The following C13orf42 variants were observed in gnomAD, a reference collection of about 807,000 sequenced individuals.
C13orf42 encodes the protein chromosome 13 open reading frame 42.
At chr13:51,092,847 A>G (rs2137981292) in intron 1 of C13orf42, among the ~76,000 whole-genome samples, 1 of 152,272 alleles carries the variant, frequency 6.6e-6, no homozygotes, top group East Asian at 1.9e-4. Context: ...TAGAAAATAG[A>G]ACTATGAACC....
intron 1 of C13orf42, among the ~76,000 whole-genome samples, chr13:51,161,441 A>G (rs911882848): frequency 2.0e-5 from 3 of 152,104 alleles, no homozygotes; most frequent in Non-Finnish European, 4.4e-5. Context: ...AGATGGTACT[A>G]TGAGTGCCCT....
At chr13:51,105,817 T>C (rs1034331513) in intron 1 of C13orf42, among the ~76,000 whole-genome samples, 7 of 152,188 alleles carry the variant, frequency 4.6e-5, no homozygotes, top group African/African-American at 1.7e-4. Flanking sequence ...CAAAATACGT[T>C]TTCCAGTCAA....
chr13:51,125,104 G>C (rs1953565565), intron 1 of C13orf42, among the ~76,000 whole-genome samples: 1 of 152,166 alleles, frequency 6.6e-6, no homozygotes, highest in Admixed American at 6.5e-5. Context: ...TACAGTACCT[G>C]CTAGCAGCCT....
At chr13:51,098,011 T>A (rs1423374119) in intron 1 of C13orf42, among the ~76,000 whole-genome samples, 1 of 152,200 alleles carries the variant, frequency 6.6e-6, no homozygotes. Flanking sequence ...TCCATCTCCC[T>A]ACCCTAGGCC....
At chr13:51,106,023 C>T (rs1380605357) in intron 1 of C13orf42, among the ~76,000 whole-genome samples, 1 of 152,194 alleles carries the variant, frequency 6.6e-6, no homozygotes, top group Admixed American at 6.5e-5. Flanking sequence ...CCGATTGTAG[C>T]TGTGCTTGCA....
chr13:51,169,433 T>C (rs1200813513), intron 1 of C13orf42, among the ~76,000 whole-genome samples: 1 of 152,152 alleles, frequency 6.6e-6, no homozygotes, highest in East Asian at 1.9e-4. Context: ...AAAAACCCAT[T>C]TTCTGTGGAG....
At chr13:51,157,322 T>C (rs763067077) in intron 1 of C13orf42, among the ~76,000 whole-genome samples, 4 of 152,164 alleles carry the variant, frequency 2.6e-5, no homozygotes, top group Non-Finnish European at 5.9e-5. Context: ...TAGTCCCAGC[T>C]ACTCTGGCAG....
intron 1 of C13orf42, among the ~76,000 whole-genome samples, chr13:51,118,989 G>A (rs986603581): frequency 1.3e-5 from 2 of 151,998 alleles, no homozygotes; most frequent in South Asian, 4.1e-4. Flanking sequence ...CTGGTGTACA[G>A]TGTGCCCAGG....
At chr13:51,112,396 C>T (rs74085532), upstream of C13orf42, among the ~76,000 whole-genome samples, 2,561 of 152,136 alleles carry the variant, frequency 0.017, 70 homozygotes, top group African/African-American at 0.058. Context: ...AAAAGATTCA[C>T]GGTTTTATCA....
intron 1 of C13orf42, among the ~76,000 whole-genome samples, chr13:51,098,862 T>C (rs1180196382): frequency 6.6e-6 from 1 of 152,218 alleles, no homozygotes; most frequent in Admixed American, 6.5e-5. Context: ...TGGCAAATTT[T>C]AGGAACTCCA....
chr13:51,153,210 CCT>C (rs1394497682), intron 1 of C13orf42, among the ~76,000 whole-genome samples: 2 of 152,168 alleles, frequency 1.3e-5, no homozygotes, highest in Non-Finnish European at 2.9e-5. Context: ...CACCCCCTCC[CCT>C]GTCCTGCCAA....
chr13:51,094,116 G>A (rs922958372), intron 1 of C13orf42, among the ~76,000 whole-genome samples: 1 of 152,104 alleles, frequency 6.6e-6, no homozygotes, highest in Admixed American at 6.6e-5. Flanking sequence ...CACAATCCTG[G>A]TATCTTTGAG....
intron 1 of C13orf42, among the ~76,000 whole-genome samples, chr13:51,157,854 T>G (rs1953836323): frequency 6.6e-6 from 1 of 152,210 alleles, no homozygotes; most frequent in Non-Finnish European, 1.5e-5. Flanking sequence ...GTTCTGGCTC[T>G]CACAAAAGAT....
intron 1 of C13orf42, among the ~76,000 whole-genome samples, chr13:51,167,993 T>C (rs1219633501): frequency 2.6e-5 from 4 of 152,192 alleles, no homozygotes; most frequent in Admixed American, 6.5e-5. Flanking sequence ...GGCCAGAAGA[T>C]GAAATTCCCA....
upstream of C13orf42, chr13:51,111,329 G>A: frequency 2.5e-6 from 1 of 397,294 alleles, no homozygotes; most frequent in South Asian, 1.4e-4. Context: ...GGAGGCCTCT[G>A]ATCTCTAGGA....
At chr13:51,136,331 A>C (rs1159565593) in intron 1 of C13orf42, among the ~76,000 whole-genome samples, 1 of 152,200 alleles carries the variant, frequency 6.6e-6, no homozygotes, top group African/African-American at 2.4e-5. Context: ...AACCCAGGTC[A>C]ACTTGAATCT....
At chr13:51,113,115 GAATGCCAC>G (rs1293922806), upstream of C13orf42, 5 of 152,220 alleles carry the variant, frequency 3.3e-5, no homozygotes, top group Non-Finnish European at 5.9e-5. Flanking sequence ...TCCATATCCA[GAATGCCAC>G]AAGCGACCTA....
chr13:51,110,983 G>T lies in C13orf42; in HGVS notation c.227C>A (p.Ala76Glu). ...GTCCTGGGTGCGCGAATACATCCAC[G>T]CCCGGTCCTCCTCCTGCCGCAGGTA... ...LYYLRQEEDR[A>E]WMYSRTQDCL... The change falls in exon 1 of 4, where the codon GCG becomes GAG. Residue 76 changes from alanine (A) to glutamate (E), a missense_variant. By Grantham distance (107) the Ala-to-Glu change is moderately radical. Transcript: ENST00000563710. 2.5e-6 allele frequency: 1 copy of T among 398,636 alleles called. No homozygotes were observed. Among genetic ancestry groups the T allele is most frequent in the Non-Finnish European group, 4.4e-6 (1 of 226,102 alleles). The allele number at this position is 398,636 out of a possible 1,614,324, so 24.7% of individuals were successfully genotyped here.
intron 1 of C13orf42, among the ~76,000 whole-genome samples, chr13:51,093,353 T>C (rs971730294): frequency 1.3e-5 from 2 of 152,210 alleles, no homozygotes; most frequent in African/African-American, 2.4e-5. Flanking sequence ...GGCTGTCCAG[T>C]AGGACTTTCT....
Sources: allele counts gnomAD v4.1 joint callset (sites outside exome capture counted in the v4.1 genomes callset), GRCh38; gene constraint gnomAD v4.1.1; transcripts MANE v1.5; gene names NCBI Gene and HGNC (gene_info 2026-07-23, HGNC 2026-07-21).